PPFIBP1: variants seen among roughly 807,000 people sequenced by gnomAD.
The protein encoded by PPFIBP1 is PPFIB scaffold protein 1, also known as liprin-beta-1.
PPFIBP1 carries 112 observed loss-of-function variants against 137.8 expected under a neutral mutation model. That is an observed-to-expected ratio of 0.81 (90% CI 0.70 to 0.95). The LOEUF is 0.95. Among genes scored for constraint, PPFIBP1 ranks in the 40% least tolerant of loss-of-function variants. PPFIBP1 has a pLI of 0.00. For synonymous variants in PPFIBP1, 378 were observed against 417.3 expected (o/e 0.91, Z 1.15); for missense variants, 1,083 against 1,196.6 (o/e 0.91, Z 1.40).
intron 5 of PPFIBP1, among the ~76,000 whole-genome samples, chr12:27,646,850 C>CT (rs2058535426): frequency 6.6e-6 from 1 of 152,154 alleles, no homozygotes; most frequent in African/African-American, 2.4e-5. Flanking sequence ...TGAGGAAAAA[C>CT]TCAAAGATCT....
At chr12:27,655,808 T>A (rs535322143) in intron 8 of PPFIBP1, among the ~76,000 whole-genome samples, 1 of 152,208 alleles carries the variant, frequency 6.6e-6, no homozygotes, top group Non-Finnish European at 1.5e-5. Context: ...AAATATATCT[T>A]TAGAGATTCT....
intron 22 of PPFIBP1, among the ~76,000 whole-genome samples, chr12:27,682,007 GAT>G (rs2060903054): frequency 1.4e-5 from 2 of 143,180 alleles, no homozygotes; most frequent in African/African-American, 5.2e-5. Flanking sequence ...CTCAGTGTAA[GAT>G]ATGCAATTAA....
At chr12:27,543,377 T>C (rs1164679696) in intron 1 of PPFIBP1, among the ~76,000 whole-genome samples, 1 of 152,204 alleles carries the variant, frequency 6.6e-6, no homozygotes, top group Non-Finnish European at 1.5e-5. Context: ...CCTGCTACCA[T>C]GGTTGCATTT....
At chr12:27,537,420 C>T (rs927023185) in intron 1 of PPFIBP1, among the ~76,000 whole-genome samples, 3 of 152,116 alleles carry the variant, frequency 2.0e-5, no homozygotes, top group Admixed American at 6.6e-5. Context: ...CGTGAGCCAC[C>T]GCGCCCGGCC....
At chr12:27,563,506 G>A (rs1028333040) in intron 1 of PPFIBP1, among the ~76,000 whole-genome samples, 1 of 151,408 alleles carries the variant, frequency 6.6e-6, no homozygotes, top group African/African-American at 2.4e-5. Context: ...AGGCAGAAGA[G>A]GGAACCAGTG....
chr12:27,638,756 A>C (rs1397800349), intron 4 of PPFIBP1, among the ~76,000 whole-genome samples: 1 of 152,234 alleles, frequency 6.6e-6, no homozygotes, highest in African/African-American at 2.4e-5. Context: ...TTGCAATGAA[A>C]GAGTACAAAC....
At chr12:27,593,537 G>A (rs1313386881) in intron 2 of PPFIBP1, 6 of 383,102 alleles carry the variant, frequency 1.6e-5, no homozygotes, top group Non-Finnish European at 2.5e-5. Flanking sequence ...ATTTCTGGAG[G>A]GGAGCTGCCG....
chr12:27,640,284 A>G (rs2058020837), intron 4 of PPFIBP1, among the ~76,000 whole-genome samples: 1 of 152,228 alleles, frequency 6.6e-6, no homozygotes, highest in Non-Finnish European at 1.5e-5. Flanking sequence ...GAGTTAAGAA[A>G]GAAAATGTGA....
intron 1 of PPFIBP1, among the ~76,000 whole-genome samples, chr12:27,525,233 G>C (rs1943589817): frequency 6.6e-6 from 1 of 152,176 alleles, no homozygotes; most frequent in Non-Finnish European, 1.5e-5. Flanking sequence ...AAGAACTGCG[G>C]AGAGCAATAG....
chr12:27,529,047 G>A (rs306651), intron 1 of PPFIBP1, among the ~76,000 whole-genome samples: 57,850 of 152,064 alleles, frequency 0.38, 11,503 homozygotes, highest in Middle Eastern at 0.49. Context: ...ATGTACAGGG[G>A]TGCACCTAAC....
rs2050730231 is a variant in PPFIBP1 at position 27,578,195 on chromosome 12, T to G, written c.-80T>G. ...TCACTTTGCTGAGTACATCCAAGAT[T>G]TGAAGAACTGAAATAAATCAGCTTT... On this transcript the variant is annotated 5_prime_UTR_variant, in exon 2 of 30. The change creates a new upstream start codon in the 5' untranslated region. Transcript: ENST00000228425. The G allele has an allele frequency of 6.6e-6, 1 of 152,054 alleles. No homozygotes were observed. Among genetic ancestry groups the G allele is most frequent in the Admixed American group, 6.5e-5 (1 of 15,272 alleles). The allele number at this position is 152,054 out of a possible 1,614,324, so 9.4% of individuals were successfully genotyped here. A position where few individuals can be genotyped will look rare whatever the true frequency, so the allele number is the denominator to read the frequency against.
intron 8 of PPFIBP1, chr12:27,655,210 T>A: frequency 6.5e-7 from 1 of 1,535,044 alleles, no homozygotes; most frequent in African/African-American, 1.4e-5. Flanking sequence ...AAGCAGCGGA[T>A]GGAACAAAAA....
At chr12:27,537,232 A>C (rs1452044343) in intron 1 of PPFIBP1, among the ~76,000 whole-genome samples, 3 of 152,018 alleles carry the variant, frequency 2.0e-5, no homozygotes, top group Non-Finnish European at 1.5e-5. Flanking sequence ...CCCTGGTTCA[A>C]GTGATTCTCC....
At chr12:27,620,425 A>G (rs1333112944) in intron 2 of PPFIBP1, among the ~76,000 whole-genome samples, 4 of 152,098 alleles carry the variant, frequency 2.6e-5, no homozygotes. Flanking sequence ...CTTTGCATTT[A>G]CTGTTGTTTC....
intron 2 of PPFIBP1, among the ~76,000 whole-genome samples, chr12:27,625,775 A>C (rs1431937495): frequency 1.3e-5 from 2 of 151,682 alleles, no homozygotes; most frequent in Non-Finnish European, 2.9e-5. Context: ...GTAGAGATAG[A>C]GTTTCCCCAT....
chr12:27,581,581 G>A (rs187188053), intron 2 of PPFIBP1, among the ~76,000 whole-genome samples: 6 of 152,250 alleles, frequency 3.9e-5, no homozygotes, highest in Admixed American at 3.9e-4. Flanking sequence ...TGTCCTTTGC[G>A]CCCTTTTCTC....
intron 1 of PPFIBP1, among the ~76,000 whole-genome samples, chr12:27,576,306 C>T (rs1424064793): frequency 6.6e-6 from 1 of 152,172 alleles, no homozygotes; most frequent in Non-Finnish European, 1.5e-5. Context: ...GTAAACCTTG[C>T]ACATGGAATT....
chr12:27,651,580 G>T (rs1455081626), intron 7 of PPFIBP1, among the ~76,000 whole-genome samples: 1 of 151,936 alleles, frequency 6.6e-6, no homozygotes, highest in Non-Finnish European at 1.5e-5. Context: ...TTTTTGTCAG[G>T]TCCTAACCCC....
chr12:27,623,698 G>A (rs2056550235), intron 2 of PPFIBP1, among the ~76,000 whole-genome samples: 1 of 151,890 alleles, frequency 6.6e-6, no homozygotes, highest in Admixed American at 6.6e-5. Context: ...ACAGAGCCAA[G>A]ACCTTGTCTC....
Sources: gnomAD v4.1 joint callset for allele counts (sites outside exome capture counted in the v4.1 genomes callset) on GRCh38, gnomAD v4.1.1 for gene constraint, MANE v1.5 for transcripts, NCBI Gene and HGNC (gene_info 2026-07-23, HGNC 2026-07-21) for gene names.